Variants in AGAP9 observed in about 807,000 individuals in gnomAD.
The protein encoded by AGAP9 is arf-GAP with GTPase, ANK repeat and PH domain-containing protein 9.
Under a neutral mutation model 55.6 loss-of-function variants are expected in AGAP9, and 23 were observed. The observed-to-expected ratio is 0.41, with a 90% confidence interval of 0.30 to 0.59. AGAP9 has a LOEUF of 0.59. Ranked by LOEUF, AGAP9 falls within the 20% of genes least tolerant of loss-of-function variation. The pLI is 0.25. For synonymous variants in AGAP9, 120 were observed against 305.0 expected (o/e 0.39, Z 6.32); for missense variants, 309 against 808.1 (o/e 0.38, Z 7.49).
intron 6 of AGAP9, 137 bp from the exon 7 acceptor site, chr10:47,504,377 T>A: frequency 1.1e-6 from 1 of 923,206 alleles, no homozygotes. Flanking sequence ...TCCTGGATCC[T>A]GACTTGCAGA....
At chr10:47,511,006 C>T (rs1238641488) in intron 4 of AGAP9, among the ~76,000 whole-genome samples, 2 of 127,728 alleles carry the variant, frequency 1.6e-5, no homozygotes, top group African/African-American at 3.1e-5. Flanking sequence ...TGCAGTGGCG[C>T]GATCTCGGCT....
intron 6 of AGAP9, among the ~76,000 whole-genome samples, chr10:47,506,431 A>G (rs1289745593): frequency 5.1e-5 from 7 of 137,566 alleles, no homozygotes; most frequent in African/African-American, 2.0e-4. Context: ...CCCAGGCTCA[A>G]GTGATTCTCC....
chr10:47,517,303 C>T (rs1294708352), intron 4 of AGAP9, among the ~76,000 whole-genome samples: 27 of 66,496 alleles, frequency 4.1e-4, no homozygotes, highest in Admixed American at 1.2e-3. Flanking sequence ...GACAGAGTTT[C>T]GCTCTGTCGC....
chr10:47,508,007 G>A (rs1398482324), intron 5 of AGAP9, among the ~76,000 whole-genome samples: 42 of 119,984 alleles, frequency 3.5e-4, no homozygotes, highest in Admixed American at 6.4e-4. Flanking sequence ...CGATTCTCAC[G>A]CCTCAGCCTC....
intron 2 of AGAP9, among the ~76,000 whole-genome samples, chr10:47,522,071 G>GCCA (rs1477367046): frequency 6.6e-6 from 1 of 150,540 alleles, no homozygotes; most frequent in Non-Finnish European, 1.5e-5. Context: ...ACAGGCGTGA[G>GCCA]CCACCAAGCC....
At chr10:47,510,762 A>G (rs1225939873) in intron 4 of AGAP9, among the ~76,000 whole-genome samples, 3 of 111,306 alleles carry the variant, frequency 2.7e-5, no homozygotes, top group Admixed American at 8.9e-5. Context: ...CCCAGGAGGC[A>G]GAGCTTGCAG....
chr10:47,521,978 C>T (rs1439440701), intron 2 of AGAP9, among the ~76,000 whole-genome samples: 24 of 150,800 alleles, frequency 1.6e-4, no homozygotes, highest in Middle Eastern at 3.4e-3. Context: ...GTAGAGACAG[C>T]GTTTCACCAT....
In AGAP9 at chr10:47,516,716, CAT is replaced by C. The variant is rs1488089831; in HGVS notation, c.396+1105_396+1106del. 1.5e-5 allele frequency among the ~76,000 whole-genome samples: 2 copies of C among 133,124 alleles called. 1 individual carries two copies. The highest frequency in any genetic ancestry group is 3.1e-5 in the Non-Finnish European group (2 of 64,414). The allele number at this position is 133,124 out of a possible 152,430, so 87.3% of individuals were successfully genotyped here. On this transcript the variant is annotated intron_variant, in intron 4 of 7. Coordinates refer to ENST00000452145, the MANE Select transcript of AGAP9 (RefSeq NM_001190810.1). ...CAAAGAAAGTTGCCCCCCACACACA[CAT>C]AAAAAGGAACAGATGTGTTTTTGCA...
At chr10:47,508,125 T>C (rs1840521716) in intron 5 of AGAP9, among the ~76,000 whole-genome samples, 1 of 119,280 alleles carries the variant, frequency 8.4e-6, no homozygotes, top group African/African-American at 3.1e-5. Flanking sequence ...AGTGCAATGG[T>C]GTGATCTCGG....
rs1840379291 is a variant in AGAP9 at position 47,502,661 on chromosome 10, C to T, written c.1468G>A (p.Ala490Thr). Residue 490 changes from alanine (A) to threonine (T), a missense_variant, in exon 8 of 8, where the codon GCC becomes ACC. Physicochemically the swap from Ala to Thr is moderately conservative, Grantham distance 58. Coordinates refer to ENST00000452145, the MANE Select transcript of AGAP9 (RefSeq NM_001190810.1). ...ATGAGGACTCCCAAGTTCAAACTGG[C>T]CCACTTAGGATTCTGGGTCTCACAG... The part of the protein sequence containing the change: ...VDCETQNPKW[A>T]SLNLGVLMCI... 1 of 1,608,128 alleles carries T rather than the reference C, an allele frequency of 6.2e-7. No homozygotes were observed. Among genetic ancestry groups the T allele is most frequent in the Non-Finnish European group, 8.5e-7 (1 of 1,178,584 alleles).
chr10:47,513,270 T>C (rs1234871303), intron 4 of AGAP9, among the ~76,000 whole-genome samples: 2 of 144,218 alleles, frequency 1.4e-5, no homozygotes, highest in African/African-American at 2.5e-5. Flanking sequence ...CCTGACCTCA[T>C]GATCCGTCCG....
chr10:47,520,337 TAAC>T (rs1260226732), intron 3 of AGAP9, among the ~76,000 whole-genome samples, 159 bp downstream of exon 3: 2 of 52,980 alleles, frequency 3.8e-5, no homozygotes, highest in African/African-American at 1.9e-4. Flanking sequence ...ACTAACATCA[TAAC>T]AACTAAAGGA....
intron 2 of AGAP9, among the ~76,000 whole-genome samples, chr10:47,520,867 AGAG>A (rs1258136253): frequency 1.6e-4 from 21 of 132,430 alleles, no homozygotes; most frequent in African/African-American, 6.1e-4. Context: ...AAAAAGAAGA[AGAG>A]GTAAATTTTG....
intron 4 of AGAP9, among the ~76,000 whole-genome samples, chr10:47,514,300 A>G (rs1840688980): frequency 6.6e-6 from 1 of 150,420 alleles, no homozygotes; most frequent in African/African-American, 2.5e-5. Flanking sequence ...ATAAGGAATA[A>G]ATTCATGGCA....
intron 7 of AGAP9, among the ~76,000 whole-genome samples, chr10:47,503,937 CAAAAAAAAAA>C (rs1186798630): frequency 0.016 from 374 of 23,372 alleles, 5 homozygotes; most frequent in African/African-American, 0.075. Flanking sequence ...GAGAGTCCAT[CAAAAAAAAAA>C]AAAAAAAAAA....
intron 4 of AGAP9, among the ~76,000 whole-genome samples, chr10:47,513,139 A>AT (rs1205768751): frequency 1.3e-5 from 2 of 148,974 alleles, no homozygotes; most frequent in East Asian, 4.4e-4. Flanking sequence ...GGTTCAAGCG[A>AT]TTCTCCTGCC....
intron 2 of AGAP9, among the ~76,000 whole-genome samples, chr10:47,521,863 C>T (rs1391792667): frequency 2.0e-5 from 3 of 150,304 alleles, no homozygotes; most frequent in Non-Finnish European, 4.4e-5. Flanking sequence ...TCACTGCAAC[C>T]TCCACCTCCC....
At chr10:47,509,904 ATCCTTC>A in intron 5 of AGAP9, among the ~76,000 whole-genome samples, 1 of 139,872 alleles carries the variant, frequency 7.1e-6, no homozygotes, top group Middle Eastern at 3.6e-3. Flanking sequence ...AAGGGAACCT[ATCCTTC>A]TCACTGTGTT....
At position 47,502,260 on chromosome 10, in the gene AGAP9, G is replaced by A. The variant is rs1413750091; in HGVS notation, c.1869C>T (p.Asp623=). 3.8e-5 allele frequency: 60 copies of A among 1,596,314 alleles called. 3 individuals carry two copies. The highest frequency in any genetic ancestry group is 1.7e-4 in the African/African-American group (12 of 71,492). ...AGGCCAGATGGAGTGCCGTGCAGCC[G>A]TCTCCCTCCCCACAGGTCTCGTTCA... ...EEVNETCGEG[D]GCTALHLACR... The change falls in exon 8 of 8, where the codon GAC becomes GAT. Residue 623 remains aspartate (D), a synonymous_variant. Transcript: ENST00000452145.
Sources: gnomAD v4.1 joint callset for allele counts (sites outside exome capture counted in the v4.1 genomes callset) on GRCh38, gnomAD v4.1.1 for gene constraint, MANE v1.5 for transcripts, NCBI Gene and HGNC (gene_info 2026-07-23, HGNC 2026-07-21) for gene names.